The following LNPK variants were observed in gnomAD, a reference collection of about 807,000 sequenced individuals.
LNPK encodes endoplasmic reticulum junction formation protein lunapark.
A neutral mutation model predicts 55.2 loss-of-function variants in LNPK; 29 were observed. The ratio of observed to expected loss-of-function variants is 0.53; its 90% CI spans 0.39 to 0.72. The LOEUF is 0.72. Among genes scored for constraint, LNPK ranks in the 30% least tolerant of loss-of-function variants. The pLI is 0.00. For missense variants in LNPK, 467 were observed against 494.8 expected (o/e 0.94, Z 0.53); for synonymous variants, 162 against 168.2 (o/e 0.96, Z 0.29).
At chr2:175,988,614 A>G (rs561739055) in intron 4 of LNPK, among the ~76,000 whole-genome samples, 1 of 152,058 alleles carries the variant, frequency 6.6e-6, no homozygotes, top group Non-Finnish European at 1.5e-5. Flanking sequence ...ACCACCAAAG[A>G]CTTCAGCAAT....
At chr2:175,981,245 C>A (rs1439129844) in intron 4 of LNPK, among the ~76,000 whole-genome samples, 3 of 152,198 alleles carry the variant, frequency 2.0e-5, no homozygotes, top group African/African-American at 7.2e-5. Context: ...CCTCCTCTTT[C>A]ACTTGTCTTT....
chr2:175,986,022 C>T (rs537565098), intron 4 of LNPK, among the ~76,000 whole-genome samples: 155 of 152,198 alleles, frequency 1.0e-3, no homozygotes, highest in African/African-American at 3.3e-3. Context: ...AAAAATTCTT[C>T]TTAAAGGATG....
At position 175,937,698 on chromosome 2, in the gene LNPK, T is replaced by C. The variant is rs1184196484; in HGVS notation, c.884-184A>G. On this transcript the variant is annotated intron_variant, in intron 11 of 12. Transcript: ENST00000272748. ...AGAACTAAAGCATACTTCCTAATTA[T>C]TAGAATTTTAATTTTTAAAATTAAA... is the stretch of plus-strand genomic sequence containing the variant. 2.7e-5 allele frequency: 12 copies of C among 441,266 alleles called. No individual in the cohort carries two copies. In the Admixed American group the frequency reaches 4.3e-4, roughly 16 times the overall value. 27.3% of individuals were successfully genotyped at this position (441,266 alleles called of 1,614,324 possible).
chr2:175,963,232 G>T (rs556210382), intron 8 of LNPK, among the ~76,000 whole-genome samples: 36 of 152,080 alleles, frequency 2.4e-4, no homozygotes, highest in Non-Finnish European at 5.0e-4. Flanking sequence ...TATAAATCAT[G>T]CTGCTATAAA....
chr2:175,980,178 C>T (rs1687104645), intron 4 of LNPK, among the ~76,000 whole-genome samples: 1 of 152,044 alleles, frequency 6.6e-6, no homozygotes, highest in Non-Finnish European at 1.5e-5. Flanking sequence ...CTATGCACCC[C>T]GCAAAAGATT....
At chr2:175,980,904 C>CAAAAAA (rs369143349) in intron 4 of LNPK, among the ~76,000 whole-genome samples, 4 of 99,560 alleles carry the variant, frequency 4.0e-5, no homozygotes, top group Non-Finnish European at 5.8e-5. Flanking sequence ...AAGACTGTCC[C>CAAAAAA]AAAAAAAAAA....
chr2:175,967,685 T>C, intron 6 of LNPK: 1 of 983,482 alleles, frequency 1.0e-6, no homozygotes, highest in Non-Finnish European at 1.2e-6. Flanking sequence ...TGAGGTTTGC[T>C]GTTGAAATTG....
Position 175,924,356 on chromosome 2 carries a change from G to A in LNPK, c.*5611C>T, listed in dbSNP as rs1683915011. ...TGTACACAGATAATAAATCCAACAGGTAATATTGTAAAGTAATATTGTAAG... is the reference window on the plus strand; with the variant it reads ...TGTACACAGATAATAAATCCAACAGATAATATTGTAAAGTAATATTGTAAG... On this transcript the variant is annotated 3_prime_UTR_variant, in exon 13 of 13. Coordinates refer to ENST00000272748, the MANE Select transcript of LNPK (RefSeq NM_030650.3). 1 of 152,144 alleles carries A rather than the reference G, an allele frequency of 6.6e-6. No individual in the cohort carries two copies. The highest frequency in any genetic ancestry group is 6.6e-5 in the Admixed American group (1 of 15,254). The allele number at this position is 152,144 out of a possible 1,614,324, so 9.4% of individuals were successfully genotyped here. A position where few individuals can be genotyped will look rare whatever the true frequency, so the allele number is the denominator to read the frequency against.
chr2:175,987,649 T>C (rs1200722253), intron 4 of LNPK, among the ~76,000 whole-genome samples: 3 of 142,368 alleles, frequency 2.1e-5, no homozygotes, highest in Non-Finnish European at 4.6e-5. Context: ...ATTGTGCACA[T>C]GTACCCTAAA....
chr2:175,978,889 A>T (rs1384277097), intron 5 of LNPK, among the ~76,000 whole-genome samples: 1 of 152,172 alleles, frequency 6.6e-6, no homozygotes, highest in African/African-American at 2.4e-5. Context: ...TCAGCAAGGA[A>T]ATAGTCGTTG....
chr2:175,983,160 T>C (rs985234905), intron 4 of LNPK, among the ~76,000 whole-genome samples: 1 of 152,120 alleles, frequency 6.6e-6, no homozygotes. Context: ...GAGAACAAGA[T>C]GCACAGCTAC....
chr2:175,957,274 C>T (rs2105598439), intron 8 of LNPK, among the ~76,000 whole-genome samples: 1 of 152,122 alleles, frequency 6.6e-6, no homozygotes, highest in South Asian at 2.1e-4. Context: ...AGGAGAATCA[C>T]TTGAACCTTG....
intron 5 of LNPK, among the ~76,000 whole-genome samples, chr2:175,976,379 T>G (rs1686914322): frequency 6.6e-6 from 1 of 152,212 alleles, no homozygotes; most frequent in Non-Finnish European, 1.5e-5. Flanking sequence ...GCTGGTAATG[T>G]GAATGAATAT....
intron 11 of LNPK, chr2:175,937,877 G>A (rs1409961043): frequency 5.5e-6 from 1 of 181,156 alleles, no homozygotes. Context: ...CCAGAAGCTT[G>A]CACATTTACC....
Position 175,928,709 on chromosome 2 carries a change from A to G in LNPK, c.*1258T>C, listed in dbSNP as rs1453662022. ...TTTCCATTTTTTTTAATATTGGAGA[A>G]GAGAGATAAAAGGAGGCCGTAACAG... is the stretch of plus-strand genomic sequence containing the variant. On this transcript the variant is annotated 3_prime_UTR_variant, in exon 13 of 13. Coordinates refer to ENST00000272748, the MANE Select transcript of LNPK (RefSeq NM_030650.3). 6.6e-6 allele frequency: 1 copy of G among 152,022 alleles called. No homozygotes were observed. The highest frequency in any genetic ancestry group is 1.5e-5 in the Non-Finnish European group (1 of 67,978). 9.4% of individuals were successfully genotyped at this position (152,022 alleles called of 1,614,324 possible).
intron 5 of LNPK, among the ~76,000 whole-genome samples, chr2:175,977,689 T>C (rs1686972898): frequency 1.3e-5 from 2 of 151,994 alleles, no homozygotes; most frequent in Admixed American, 1.3e-4. Context: ...CAGTAAAAAA[T>C]GGTGGAAACA....
intron 5 of LNPK, among the ~76,000 whole-genome samples, chr2:175,973,976 A>G (rs186572520): frequency 2.6e-5 from 4 of 152,322 alleles, no homozygotes; most frequent in Admixed American, 2.0e-4. Flanking sequence ...CTTCACAAAC[A>G]AGCCACTCAG....
At chr2:175,967,305 C>T (rs1348776250) in intron 6 of LNPK, among the ~76,000 whole-genome samples, 2 of 151,980 alleles carry the variant, frequency 1.3e-5, no homozygotes, top group Admixed American at 6.6e-5. Flanking sequence ...TAAGAGTCAA[C>T]ATTGTGATGA....
intron 1 of LNPK, among the ~76,000 whole-genome samples, chr2:175,999,748 A>G (rs1388216689): frequency 6.6e-6 from 1 of 152,136 alleles, no homozygotes; most frequent in Non-Finnish European, 1.5e-5. Flanking sequence ...CCTTAAGAGC[A>G]GGGTGCATCT....
Sources: gnomAD v4.1 joint callset for allele counts (sites outside exome capture counted in the v4.1 genomes callset) on GRCh38, gnomAD v4.1.1 for gene constraint, MANE v1.5 for transcripts, NCBI Gene and HGNC (gene_info 2026-07-23, HGNC 2026-07-21) for gene names.